IPP: variants seen among roughly 807,000 people sequenced by gnomAD.
IPP encodes the protein actin-binding protein IPP.
In IPP, 41 loss-of-function variants were observed where a neutral mutation model predicts 64.1. The ratio of observed to expected loss-of-function variants is 0.64; its 90% CI spans 0.50 to 0.83. IPP has a LOEUF of 0.83. Ranked by LOEUF, IPP falls within the 40% of genes least tolerant of loss-of-function variation. IPP has a pLI of 0.00. For synonymous variants in IPP, 214 were observed against 235.2 expected, an observed-to-expected ratio of 0.91 and a Z score of 0.83; for missense variants, 649 against 703.0, an observed-to-expected ratio of 0.92 and a Z score of 0.87.
chr1:45,723,946 G>A (rs1385134068), intron 5 of IPP, among the ~76,000 whole-genome samples: 3 of 151,446 alleles, frequency 2.0e-5, no homozygotes, highest in African/African-American at 4.8e-5. Context: ...AGAATCACTT[G>A]AGCTCAGGAG....
chr1:45,696,442 A>C (rs1338106659), downstream of IPP, among the ~76,000 whole-genome samples: 1 of 152,256 alleles, frequency 6.6e-6, no homozygotes, highest in East Asian at 1.9e-4. Flanking sequence ...AAAGTAATAC[A>C]AAGAAACAAA....
chr1:45,695,639 T>C (rs1282297834), downstream of IPP, among the ~76,000 whole-genome samples: 1 of 151,884 alleles, frequency 6.6e-6, no homozygotes, highest in Non-Finnish European at 1.5e-5. Flanking sequence ...AAAAATGGTC[T>C]AAGGATATAG....
intron 5 of IPP, among the ~76,000 whole-genome samples, chr1:45,726,067 A>T (rs1374509955): frequency 6.7e-6 from 1 of 148,396 alleles, no homozygotes; most frequent in Non-Finnish European, 1.5e-5. Flanking sequence ...TCTGCGAGAA[A>T]CACCCAAGAA....
intron 5 of IPP, among the ~76,000 whole-genome samples, chr1:45,724,936 G>T (rs1319309534): frequency 2.7e-5 from 4 of 146,364 alleles, no homozygotes. Flanking sequence ...CGGGAGGTGA[G>T]GGGCTCCTCT....
chr1:45,738,839 C>CAAAAAAAAAAAAAAA (rs752168393), intron 3 of IPP, among the ~76,000 whole-genome samples: 2 of 7,642 alleles, frequency 2.6e-4, no homozygotes, highest in Non-Finnish European at 7.5e-4. Flanking sequence ...GACTCCATCT[C>CAAAAAAAAAAAAAAA]AAAAAAAAAA....
chr1:45,725,180 C>A (rs1645801352), intron 5 of IPP, among the ~76,000 whole-genome samples: 2 of 138,136 alleles, frequency 1.4e-5, no homozygotes. Flanking sequence ...CAGCCCCCCG[C>A]CCGGCCAGCC....
At chr1:45,704,241 C>CTT (rs1043202416) in intron 8 of IPP, among the ~76,000 whole-genome samples, 3 of 142,910 alleles carry the variant, frequency 2.1e-5, no homozygotes, top group African/African-American at 5.1e-5. Flanking sequence ...GAAGCAAAGT[C>CTT]TTTTTTTTTT....
downstream of IPP, among the ~76,000 whole-genome samples, chr1:45,698,444 G>A (rs1286153343): frequency 1.3e-5 from 2 of 152,122 alleles, no homozygotes; most frequent in Non-Finnish European, 2.9e-5. Context: ...GCTTCTCAGG[G>A]AGAAAATGAG....
chr1:45,731,284 T>G (rs746798151), intron 3 of IPP, among the ~76,000 whole-genome samples: 1 of 151,826 alleles, frequency 6.6e-6, no homozygotes, highest in East Asian at 2.0e-4. Context: ...CTACAAAAAA[T>G]TTTAAAATGA....
At chr1:45,704,066 T>C (rs959820019) in intron 8 of IPP, among the ~76,000 whole-genome samples, 1 of 152,098 alleles carries the variant, frequency 6.6e-6, no homozygotes, top group Non-Finnish European at 1.5e-5. Flanking sequence ...ATAAGCATAA[T>C]TGTGTCAACC....
At chr1:45,749,973 A>C (rs950228925) in intron 1 of IPP, among the ~76,000 whole-genome samples, 2 of 152,220 alleles carry the variant, frequency 1.3e-5, no homozygotes, top group African/African-American at 2.4e-5. Context: ...GGATCGCTAG[A>C]GCCTGAGAAG....
At chr1:45,698,302 T>TG (rs1645405461), downstream of IPP, among the ~76,000 whole-genome samples, 1 of 151,430 alleles carries the variant, frequency 6.6e-6, no homozygotes, top group African/African-American at 2.4e-5. Flanking sequence ...CAAAAAAAAA[T>TG]TTTTTTTACT....
At chr1:45,744,782 T>G (rs1299537648) in intron 2 of IPP, among the ~76,000 whole-genome samples, 1 of 150,582 alleles carries the variant, frequency 6.6e-6, no homozygotes, top group Admixed American at 6.6e-5. Flanking sequence ...GAGGTTGCAG[T>G]GAGCCGAGAC....
At chr1:45,706,401 G>A (rs913850765) in intron 8 of IPP, among the ~76,000 whole-genome samples, 10 of 152,072 alleles carry the variant, frequency 6.6e-5, no homozygotes, top group African/African-American at 1.9e-4. Flanking sequence ...GGGAGTTTGC[G>A]TCTAGCCTGG....
At chr1:45,700,318 A>T (rs559625436) in intron 8 of IPP, 128 bp from the exon 9 acceptor site, 15 of 1,323,766 alleles carry the variant, frequency 1.1e-5, no homozygotes, top group East Asian at 1.0e-4. Context: ...TCAGGTAAGC[A>T]TACAGATTTT....
chr1:45,698,492 C>T (rs1281545297), downstream of IPP, among the ~76,000 whole-genome samples: 1 of 152,000 alleles, frequency 6.6e-6, no homozygotes, highest in Non-Finnish European at 1.5e-5. Context: ...TCAAGGGGTA[C>T]TTTCAAATTA....
chr1:45,725,519 T>C (rs1458075034), intron 5 of IPP, among the ~76,000 whole-genome samples: 43 of 112,074 alleles, frequency 3.8e-4, no homozygotes, highest in Non-Finnish European at 5.8e-4. Context: ...TGAGGGGCGC[T>C]TCTGCCCGGC....
intron 3 of IPP, among the ~76,000 whole-genome samples, chr1:45,735,060 G>A (rs981597004): frequency 1.9e-4 from 28 of 147,246 alleles, no homozygotes; most frequent in African/African-American, 5.0e-4. Flanking sequence ...GATTACAGGC[G>A]TGAGCCACTG....
chr1:45,728,079 A>G (rs913473906), intron 4 of IPP, among the ~76,000 whole-genome samples: 5 of 151,856 alleles, frequency 3.3e-5, no homozygotes, highest in Non-Finnish European at 5.9e-5. Context: ...AAGTTTCATT[A>G]TAACTTTCAT....
Sources: gnomAD v4.1 joint callset for allele counts (sites outside exome capture counted in the v4.1 genomes callset) on GRCh38, gnomAD v4.1.1 for gene constraint, MANE v1.5 for transcripts, NCBI Gene and HGNC (gene_info 2026-07-23, HGNC 2026-07-21) for gene names.